The following LRP1B variants were observed in gnomAD, a reference collection of about 807,000 sequenced individuals.
LRP1B encodes LDL receptor related protein 1B.
In LRP1B, 217 loss-of-function variants were observed where a neutral mutation model predicts 556.6. The observed-to-expected ratio is 0.39, with a 90% CI of 0.35 to 0.44. The LOEUF (loss-of-function observed/expected upper bound fraction) is 0.44, where lower values mean the gene tolerates loss of function less well. Ranked by LOEUF, LRP1B falls within the 20% of genes least tolerant of loss-of-function variation. The probability of loss-of-function intolerance (pLI) is 1.00; values close to 1 mark genes in which losing one functional copy is unlikely to be tolerated. For missense variants in LRP1B, 5,053 were observed against 5,620.8 expected (o/e 0.90, Z 3.23); for synonymous variants, 2,047 against 1,865.8 (o/e 1.10, Z -2.50).
intron 41 of LRP1B, among the ~76,000 whole-genome samples, chr2:140,694,906 T>C (rs1260781437): frequency 6.6e-6 from 1 of 152,026 alleles, no homozygotes; most frequent in African/African-American, 2.4e-5. Context: ...TTCCAAGATA[T>C]TCAATTGTTT....
intron 83 of LRP1B, among the ~76,000 whole-genome samples, chr2:140,314,177 T>G (rs1020580870): frequency 4.6e-5 from 7 of 152,028 alleles, no homozygotes; most frequent in African/African-American, 1.4e-4. Flanking sequence ...GCATTTATGG[T>G]AGTAACATTA....
intron 7 of LRP1B, among the ~76,000 whole-genome samples, chr2:141,091,359 TTAA>T (rs1574064293): frequency 6.6e-6 from 1 of 152,146 alleles, no homozygotes. Flanking sequence ...TATCAAAATA[TTAA>T]TAATATTATT....
intron 2 of LRP1B, among the ~76,000 whole-genome samples, chr2:141,594,772 T>G (rs2105299687): frequency 6.6e-6 from 1 of 152,270 alleles, no homozygotes; most frequent in Admixed American, 6.5e-5. Flanking sequence ...AAAAAGAAGA[T>G]AATTTTTTGA....
intron 32 of LRP1B, among the ~76,000 whole-genome samples, chr2:140,781,881 T>C (rs751794786): frequency 6.6e-6 from 1 of 152,226 alleles, no homozygotes; most frequent in Admixed American, 6.5e-5. Flanking sequence ...TGGTTGCTTT[T>C]CCTTATCGTT....
chr2:140,295,318 C>G (rs12996989), intron 84 of LRP1B, among the ~76,000 whole-genome samples: 54,696 of 152,002 alleles, frequency 0.36, 11,393 homozygotes, highest in Non-Finnish European at 0.49. Context: ...GTAGGGGCAT[C>G]TACATATGTC....
At chr2:140,725,244 T>G (rs1452386600) in intron 35 of LRP1B, among the ~76,000 whole-genome samples, 1 of 152,122 alleles carries the variant, frequency 6.6e-6, no homozygotes, top group Non-Finnish European at 1.5e-5. Context: ...CTCATATCAC[T>G]TCTACATTTT....
At chr2:140,490,661 G>T (rs190020865) in intron 57 of LRP1B, among the ~76,000 whole-genome samples, 19 of 152,182 alleles carry the variant, frequency 1.2e-4, no homozygotes, top group African/African-American at 4.3e-4. Context: ...CTACTGCCTA[G>T]AACTCCTTTA....
At chr2:140,798,468 T>C (rs1359563945) in intron 32 of LRP1B, among the ~76,000 whole-genome samples, 1 of 152,176 alleles carries the variant, frequency 6.6e-6, no homozygotes, top group Non-Finnish European at 1.5e-5. Context: ...CTTTCATTTA[T>C]TTTTTAAGGG....
chr2:141,471,816 T>C (rs1682484823), intron 3 of LRP1B, among the ~76,000 whole-genome samples: 1 of 152,220 alleles, frequency 6.6e-6, no homozygotes, highest in African/African-American at 2.4e-5. Context: ...GTCCTTACTG[T>C]ATTTCTATTG....
At position 140,844,658 on chromosome 2, in the gene LRP1B, T is replaced by G. The variant is rs189138586; in HGVS notation, c.4940-3566A>C. ...TCAGAACAAGATCTCTGAGTAAGTT[T>G]CTCAGGAAGTTTAATTTTCCAGTTC... On this transcript the variant is annotated intron_variant, in intron 29 of 90. Transcript: ENST00000389484. Among the ~76,000 whole-genome samples, 185 of 152,310 alleles carry G rather than the reference T, an allele frequency of 1.2e-3. 1 individual carries two copies. The highest frequency in any genetic ancestry group is 4.4e-3 in the African/African-American group (182 of 41,556).
chr2:142,020,594 C>A (rs1703297919), intron 1 of LRP1B, among the ~76,000 whole-genome samples: 1 of 152,076 alleles, frequency 6.6e-6, no homozygotes, highest in African/African-American at 2.4e-5. Context: ...TGTTTTGTGT[C>A]CACTTACTGG....
chr2:140,651,526 T>TAAAAAAAAAAAAAAAAAAAAAA (rs558677783), intron 41 of LRP1B, among the ~76,000 whole-genome samples: 8 of 107,028 alleles, frequency 7.5e-5, no homozygotes, highest in Non-Finnish European at 9.2e-5. Flanking sequence ...ATACAAAAAT[T>TAAAAAAAAAAAAAAAAAAAAAA]AAAAAAAAAA....
Position 141,864,884 on chromosome 2 carries a change from AAAACAAAC to A in LRP1B, c.83-54491_83-54484del, listed in dbSNP as rs151234395. On this transcript the variant is annotated intron_variant, in intron 1 of 90. Coordinates refer to ENST00000389484, the MANE Select transcript of LRP1B (RefSeq NM_018557.3). ...GTGACAGAGTGAGACTCTGTCTCAA[AAAACAAAC>A]AAACAAACAAACAAACAAACAGAAT... is the stretch of plus-strand genomic sequence containing the variant. Among the ~76,000 whole-genome samples the A allele has an allele frequency of 7.6e-3, 1,155 of 151,210 alleles. 11 individuals carry two copies. Among genetic ancestry groups the A allele is most frequent in the African/African-American group, 0.018 (741 of 41,228 alleles).
intron 2 of LRP1B, among the ~76,000 whole-genome samples, chr2:141,602,212 A>G (rs1298686943): frequency 6.6e-6 from 1 of 152,194 alleles, no homozygotes; most frequent in African/African-American, 2.4e-5. Flanking sequence ...TCTCTCTGCA[A>G]TAGTATTCTG....
chr2:140,889,655 G>C (rs1019904604), intron 23 of LRP1B, among the ~76,000 whole-genome samples: 6 of 152,090 alleles, frequency 3.9e-5, no homozygotes, highest in Non-Finnish European at 8.8e-5. Flanking sequence ...TATGAGGTGG[G>C]TGATGTTGTT....
chr2:141,099,903 C>T (rs890619742), intron 7 of LRP1B, among the ~76,000 whole-genome samples: 2 of 152,232 alleles, frequency 1.3e-5, no homozygotes, highest in East Asian at 1.9e-4. Context: ...CTGAATATTA[C>T]ATTGATTATC....
At chr2:140,408,851 G>A (rs1684855629) in intron 66 of LRP1B, among the ~76,000 whole-genome samples, 1 of 151,924 alleles carries the variant, frequency 6.6e-6, no homozygotes, top group South Asian at 2.1e-4. Context: ...GCATGGGAAT[G>A]TTTAAGGAAC....
At chr2:141,997,509 G>GT (rs1702532721) in intron 1 of LRP1B, among the ~76,000 whole-genome samples, 2 of 148,272 alleles carry the variant, frequency 1.3e-5, no homozygotes, top group Non-Finnish European at 3.0e-5. Context: ...TTGACACAGG[G>GT]TATTGCTCTG....
chr2:141,305,513 G>T (rs1686552582), intron 3 of LRP1B, among the ~76,000 whole-genome samples: 1 of 152,072 alleles, frequency 6.6e-6, no homozygotes, highest in African/African-American at 2.4e-5. Flanking sequence ...TTTTTGTCTA[G>T]ACATAAGATC....
Sources: allele counts gnomAD v4.1 joint callset (sites outside exome capture counted in the v4.1 genomes callset), GRCh38; gene constraint gnomAD v4.1.1; transcripts MANE v1.5; gene names NCBI Gene and HGNC (gene_info 2026-07-23, HGNC 2026-07-21).